Variants in C17orf75 observed in about 807,000 individuals in gnomAD.
C17orf75 encodes the protein protein Njmu-R1.
In C17orf75, 32 loss-of-function variants were observed where a neutral mutation model predicts 49.6. The ratio of observed to expected loss-of-function variants is 0.65; its 90% CI spans 0.49 to 0.87. The LOEUF (loss-of-function observed/expected upper bound fraction) is 0.87. Ranked by LOEUF, C17orf75 falls within the 40% of genes least tolerant of loss-of-function variation. The probability of loss-of-function intolerance (pLI) is 0.00; values close to 1 mark genes in which losing one functional copy is unlikely to be tolerated. For synonymous variants in C17orf75, 158 were observed against 159.5 expected (o/e 0.99, Z 0.07); for missense variants, 428 against 473.9 (o/e 0.90, Z 0.90).
Position 32,341,232 on chromosome 17 carries a change from C to A in C17orf75, c.193G>T (p.Ala65Ser). The A allele has an allele frequency of 5.0e-6, 8 of 1,613,954 alleles. No individual in the cohort carries two copies. Among genetic ancestry groups the A allele is most frequent in the Non-Finnish European group, 5.9e-6 (7 of 1,179,888 alleles). Reference sequence around the variant, plus strand: ...AAATCATCACCAGAGGGAGTTTCTGCATTTGTGCCACTTGGGCTTCCGTCC... The same window carrying A: ...AAATCATCACCAGAGGGAGTTTCTGAATTTGTGCCACTTGGGCTTCCGTCC... ...SEDGSPSGTN[A>S]ETPSGDDFSL... The change falls in exon 2 of 10, where the codon GCA (alanine) becomes TCA (serine). Residue 65 changes from alanine (A) to serine (S), a missense_variant. Transcript: ENST00000577809.
At chr17:32,342,966 G>A (rs1222271268), upstream of C17orf75, among the ~76,000 whole-genome samples, 1 of 152,160 alleles carries the variant, frequency 6.6e-6, no homozygotes, top group East Asian at 1.9e-4. Context: ...ACCAAAGACT[G>A]GGCAATTTAT....
chr17:32,332,024 A>G (rs751928672), intron 9 of C17orf75, 46 bp from the exon 10 acceptor site: 2 of 1,489,730 alleles, frequency 1.3e-6, no homozygotes, highest in South Asian at 2.4e-5. Flanking sequence ...TGAAATAATA[A>G]TGAAGCTCAA....
chr17:32,341,938 G>A (rs1353455866), intron 1 of C17orf75, 62 bp downstream of exon 1: 4 of 1,223,868 alleles, frequency 3.3e-6, no homozygotes, highest in Non-Finnish European at 2.0e-6. Context: ...AAGGCCGGGC[G>A]GCGGGCCGGG....
intron 9 of C17orf75, among the ~76,000 whole-genome samples, chr17:32,332,203 C>A (rs1158422619): frequency 6.6e-6 from 1 of 152,162 alleles, no homozygotes; most frequent in African/African-American, 2.4e-5. Context: ...AGCGCAATGG[C>A]TTGATCTCGG....
intron 9 of C17orf75, among the ~76,000 whole-genome samples, chr17:32,332,951 C>T (rs866518674): frequency 6.6e-6 from 1 of 152,268 alleles, no homozygotes; most frequent in Middle Eastern, 3.4e-3. Context: ...GCCAGGATTA[C>T]AGGCATGCGC....
At chr17:32,345,838 G>A (rs2041421572), upstream of C17orf75, among the ~76,000 whole-genome samples, 1 of 151,968 alleles carries the variant, frequency 6.6e-6, no homozygotes, top group Non-Finnish European at 1.5e-5. Context: ...GAGCCACCGT[G>A]CCTGGTCCGA....
In C17orf75 at chr17:32,335,378, G is replaced by A. The variant is rs1300050223; in HGVS notation, c.614C>T (p.Pro205Leu). ...LSSWFEDVVC[P>L]IQRVVLLFQE... ...AAAGAGAAGAACAACCCTTTGGATT[G>A]GGCATACAACATCCTCAAACCAGCT... Residue 205 changes from proline (P) to leucine (L), a missense_variant, in exon 6 of 10, where the codon CCA becomes CTA. Transcript: ENST00000577809. 1.2e-6 allele frequency: 2 copies of A among 1,613,852 alleles called. No individual in the cohort carries two copies. The highest frequency in any genetic ancestry group is 1.1e-5 in the South Asian group (1 of 91,076).
rs2041274495 is a variant in C17orf75, at chr17:32,331,682, C to A, written c.*81G>T. ...TTTCAAATCATCTTAAATAGCAATC[C>A]TATGAACAATTATAACTGCAATTTC... On this transcript the variant is annotated 3_prime_UTR_variant, in exon 10 of 10. Coordinates refer to ENST00000577809, the MANE Select transcript of C17orf75 (RefSeq NM_022344.4). 1 of 1,112,318 alleles carries A rather than the reference C, an allele frequency of 9.0e-7. No homozygotes were observed. The allele number at this position is 1,112,318 out of a possible 1,614,324, so 68.9% of individuals were successfully genotyped here. A position where few individuals can be genotyped will look rare whatever the true frequency, so the allele number is the denominator to read the frequency against.
chr17:32,337,698 C>G (rs2041339345), intron 5 of C17orf75, among the ~76,000 whole-genome samples, 199 bp downstream of exon 5: 1 of 152,146 alleles, frequency 6.6e-6, no homozygotes, highest in Non-Finnish European at 1.5e-5. Flanking sequence ...CTCAGCCTCC[C>G]AAGTAGCTGG....
intron 8 of C17orf75, 21 bp downstream of exon 8, chr17:32,334,448 G>C (rs1261713692): frequency 6.2e-7 from 1 of 1,606,114 alleles, no homozygotes; most frequent in East Asian, 2.2e-5. Flanking sequence ...TAGGAAGGCT[G>C]CTTCAGAGGT....
chr17:32,333,311 T>C (rs1382146406), intron 9 of C17orf75, 106 bp downstream of exon 9: 1 of 778,628 alleles, frequency 1.3e-6, no homozygotes, highest in Non-Finnish European at 2.1e-6. Flanking sequence ...AACATCCTAA[T>C]TAACAGACAT....
chr17:32,339,596 T>C (rs923108259), intron 3 of C17orf75, among the ~76,000 whole-genome samples: 1 of 151,676 alleles, frequency 6.6e-6, no homozygotes, highest in Non-Finnish European at 1.5e-5. Flanking sequence ...CAAAAAAAAA[T>C]AAACTAATTA....
intron 3 of C17orf75, 122 bp downstream of exon 3, chr17:32,339,691 G>T: frequency 7.5e-7 from 1 of 1,325,538 alleles, no homozygotes; most frequent in Non-Finnish European, 1.0e-6. Context: ...CAGTGCTCGG[G>T]CTGCCAGAGA....
chr17:32,334,404 C>T, intron 8 of C17orf75, 65 bp downstream of exon 8: 3 of 1,537,918 alleles, frequency 2.0e-6, no homozygotes, highest in Non-Finnish European at 2.6e-6. Context: ...GTATCATAGG[C>T]TCTCAGTGCA....
intron 1 of C17orf75, among the ~76,000 whole-genome samples, chr17:32,347,502 G>T (rs552650150): frequency 6.6e-5 from 10 of 151,930 alleles, no homozygotes; most frequent in African/African-American, 2.4e-4. Context: ...GGCTGGTCTC[G>T]AACTCCTGAC....
Position 32,331,181 on chromosome 17 carries a change from C to T in C17orf75, c.*582G>A, listed in dbSNP as rs1242151423. The T allele has an allele frequency of 5.9e-5, 9 of 152,512 alleles. No homozygotes were observed. The highest frequency in any genetic ancestry group is 2.1e-4 in the South Asian group (1 of 4,832). The allele number at this position is 152,512 out of a possible 1,614,324, so 9.4% of individuals were successfully genotyped here. ...ATATTTTATCTTGAAGCTAGTGCAT[C>T]GATTTGTAAAGCTCATTTAATTTTC... On this transcript the variant is annotated 3_prime_UTR_variant, in exon 10 of 10. Coordinates refer to ENST00000577809, the MANE Select transcript of C17orf75 (RefSeq NM_022344.4).
chr17:32,333,914 C>T (rs1037107580), intron 8 of C17orf75, among the ~76,000 whole-genome samples: 1 of 152,240 alleles, frequency 6.6e-6, no homozygotes, highest in African/African-American at 2.4e-5. Context: ...ATCCCCCTTC[C>T]TTTCCCATCA....
chr17:32,341,800 C>T (rs1369860230), intron 1 of C17orf75, 200 bp downstream of exon 1: 3 of 1,059,154 alleles, frequency 2.8e-6, no homozygotes, highest in Non-Finnish European at 2.3e-6. Flanking sequence ...GCCAGGCATA[C>T]AAGTCCACGA....
rs1346462128 is a variant in C17orf75 at position 32,340,022 on chromosome 17, A to C, written c.222-84T>G. The stretch of plus-strand genomic sequence containing the variant: ...AGTCAGACAGAATGGTACCAACGCC[A>C]GGGGCTCTTTTAAGGACTGGGGAAA... On this transcript the variant is annotated intron_variant, in intron 2 of 9. Transcript: ENST00000577809. 3.9e-6 allele frequency: 6 copies of C among 1,521,662 alleles called. No individual in the cohort carries two copies. In the Admixed American group the frequency reaches 1.2e-4, roughly 31 times the overall value. The allele number at this position is 1,521,662 out of a possible 1,614,324, so 94.3% of individuals were successfully genotyped here.
Sources: allele counts gnomAD v4.1 joint callset (sites outside exome capture counted in the v4.1 genomes callset), GRCh38; gene constraint gnomAD v4.1.1; transcripts MANE v1.5; gene names NCBI Gene and HGNC (gene_info 2026-07-23, HGNC 2026-07-21).